ATE1: variants seen among roughly 807,000 people sequenced by gnomAD.
ATE1 encodes the protein arginyl-tRNA--protein transferase 1.
Under a neutral mutation model 70.5 loss-of-function variants are expected in ATE1, and 36 were observed. The observed-to-expected ratio is 0.51, with a 90% CI of 0.39 to 0.67. The LOEUF (loss-of-function observed/expected upper bound fraction) is 0.67. ATE1 is among the 30% of genes least tolerant of loss of function. The pLI is 0.00. For synonymous variants in ATE1, 232 were observed against 219.3 expected, an observed-to-expected ratio of 1.06 and a Z score of -0.51; for missense variants, 593 against 629.5, an observed-to-expected ratio of 0.94 and a Z score of 0.62.
chr10:121,841,069 A>G lies in ATE1; in HGVS notation c.1157+13T>C. On this transcript the variant is annotated intron_variant, in intron 9 of 11. Transcript: ENST00000224652. ...ATATAACCCACTACAATAACGGCAA[A>G]AAGCAATCTTACCGTAGTGCAGAGT... 6.6e-7 allele frequency: 1 copy of G among 1,519,172 alleles called. No individual in the cohort carries two copies. Among genetic ancestry groups the G allele is most frequent in the Non-Finnish European group, 8.9e-7 (1 of 1,124,426 alleles). 94.1% of individuals were successfully genotyped at this position (1,519,172 alleles called of 1,614,324 possible).
At chr10:121,916,689 G>A (rs1407925940) in intron 3 of ATE1, among the ~76,000 whole-genome samples, 1 of 152,058 alleles carries the variant, frequency 6.6e-6, no homozygotes, top group Non-Finnish European at 1.5e-5. Flanking sequence ...CAAAAAATTA[G>A]CCAGGTATGG....
At chr10:121,758,548 T>A (rs181383957) in intron 11 of ATE1, among the ~76,000 whole-genome samples, 48 of 152,364 alleles carry the variant, frequency 3.2e-4, no homozygotes, top group East Asian at 2.7e-3. Context: ...TACAATAGTA[T>A]TGGCTTTCTG....
At chr10:121,920,329 T>C (rs962941785) in intron 3 of ATE1, among the ~76,000 whole-genome samples, 4 of 151,566 alleles carry the variant, frequency 2.6e-5, no homozygotes, top group African/African-American at 9.7e-5. Flanking sequence ...GGAAACATGG[T>C]GAGATCTGCC....
chr10:121,790,998 ATGTGTATATATGTATACATG>A (rs1946415791), intron 10 of ATE1, among the ~76,000 whole-genome samples: 1 of 151,178 alleles, frequency 6.6e-6, no homozygotes, highest in Non-Finnish European at 1.5e-5. Flanking sequence ...ACATACATAT[ATGTGTATATATGTATACATG>A]TGTGTATATA....
At chr10:121,862,943 G>A (rs1414192141) in intron 8 of ATE1, among the ~76,000 whole-genome samples, 2 of 135,902 alleles carry the variant, frequency 1.5e-5, no homozygotes, top group Non-Finnish European at 3.4e-5. Flanking sequence ...GCAATTAAAG[G>A]GGGGTATACA....
intron 7 of ATE1, among the ~76,000 whole-genome samples, chr10:121,890,330 T>C (rs557711686): frequency 2.7e-4 from 41 of 152,330 alleles, no homozygotes; most frequent in African/African-American, 9.4e-4. Context: ...GTTATAATTA[T>C]ACCACGTCTT....
intron 3 of ATE1, among the ~76,000 whole-genome samples, chr10:121,915,383 A>C (rs1564961960): frequency 6.6e-6 from 1 of 152,156 alleles, no homozygotes; most frequent in Non-Finnish European, 1.5e-5. Context: ...AAAGTCAGAG[A>C]CTAGTTTAAA....
Position 121,909,228 on chromosome 10 carries a change from A to G in ATE1, c.583+1678T>C, listed in dbSNP as rs151155597. On this transcript the variant is annotated intron_variant, in intron 5 of 11. Coordinates refer to ENST00000224652, the MANE Select transcript of ATE1 (RefSeq NM_001001976.3). ...GGTCTCAAACTCCTGGGCTCAAGCA[A>G]TCCACCTGCCTCGGTCTCCCACAGT... Among the ~76,000 whole-genome samples, 311 of 152,246 alleles carry G rather than the reference A, an allele frequency of 2.0e-3. 1 individual carries two copies. Among genetic ancestry groups the G allele is most frequent in the African/African-American group, 7.2e-3 (301 of 41,548 alleles).
At chr10:121,749,076 T>A (rs1191458873) in intron 11 of ATE1, among the ~76,000 whole-genome samples, 3 of 152,192 alleles carry the variant, frequency 2.0e-5, no homozygotes, top group Admixed American at 2.0e-4. Context: ...ACTTTGACTA[T>A]AAAAATGGCA....
At chr10:121,809,428 C>T (rs1458211973) in intron 10 of ATE1, among the ~76,000 whole-genome samples, 1 of 152,086 alleles carries the variant, frequency 6.6e-6, no homozygotes, top group Non-Finnish European at 1.5e-5. Context: ...AAGCACTTTA[C>T]ATATACTACC....
intron 5 of ATE1, among the ~76,000 whole-genome samples, chr10:121,906,660 G>A (rs913117364): frequency 2.0e-5 from 3 of 151,834 alleles, no homozygotes; most frequent in South Asian, 2.1e-4. Context: ...GTGCAGTGGC[G>A]TGATCTCAGC....
intron 4 of ATE1, among the ~76,000 whole-genome samples, chr10:121,912,859 C>T (rs1165394194): frequency 7.9e-5 from 12 of 151,384 alleles, no homozygotes; most frequent in Non-Finnish European, 1.5e-4. Context: ...CCTCAGCCTC[C>T]GAGTAGCTGG....
chr10:121,781,321 T>G (rs758293988), intron 11 of ATE1, among the ~76,000 whole-genome samples: 1 of 152,326 alleles, frequency 6.6e-6, no homozygotes, highest in South Asian at 2.1e-4. Context: ...CCTACCTTTC[T>G]GATGCAGCAG....
At chr10:121,870,270 T>C (rs1949804373) in intron 7 of ATE1, among the ~76,000 whole-genome samples, 1 of 152,236 alleles carries the variant, frequency 6.6e-6, no homozygotes, top group South Asian at 2.1e-4. Flanking sequence ...CTTAAAAATC[T>C]ATATAAAAGC....
chr10:121,856,711 T>C (rs369432298), intron 8 of ATE1, among the ~76,000 whole-genome samples: 9 of 152,218 alleles, frequency 5.9e-5, no homozygotes, highest in African/African-American at 2.2e-4. Flanking sequence ...TATATATACG[T>C]TGATTTAAAA....
At chr10:121,811,562 T>C (rs966123100) in intron 10 of ATE1, among the ~76,000 whole-genome samples, 3 of 152,192 alleles carry the variant, frequency 2.0e-5, no homozygotes, top group Non-Finnish European at 2.9e-5. Flanking sequence ...CCTTGGGCTA[T>C]GTCTGGGAAT....
At position 121,899,849 on chromosome 10, in the gene ATE1, A is replaced by G. The variant is rs374263772; in HGVS notation, c.942+17T>C. 29 of 1,607,806 alleles carry G rather than the reference A, an allele frequency of 1.8e-5. No individual in the cohort carries two copies. In the African/African-American group the frequency reaches 3.6e-4, roughly 20 times the overall value. On this transcript the variant is annotated intron_variant, in intron 7 of 11. Coordinates refer to ENST00000224652, the MANE Select transcript of ATE1 (RefSeq NM_001001976.3). ...AAAGCTCTGTTTGCACAGGAAAATTACACTTGGCCTGCTGACCTGGCTTTC... is the reference window on the plus strand; with the variant it reads ...AAAGCTCTGTTTGCACAGGAAAATTGCACTTGGCCTGCTGACCTGGCTTTC...
intron 1 of ATE1, chr10:121,926,627 T>TCCG (rs1952102296): frequency 1.4e-6 from 1 of 721,238 alleles, no homozygotes; most frequent in Admixed American, 6.3e-5. Context: ...AATATTAATT[T>TCCG]TAGGCACGTT....
At chr10:121,847,043 C>T (rs1005058683) in intron 8 of ATE1, among the ~76,000 whole-genome samples, 4 of 152,106 alleles carry the variant, frequency 2.6e-5, no homozygotes, top group Non-Finnish European at 5.9e-5. Flanking sequence ...TCAGAAGGCT[C>T]AACTATGTAA....
Sources: gnomAD v4.1 joint callset for allele counts (sites outside exome capture counted in the v4.1 genomes callset) on GRCh38, gnomAD v4.1.1 for gene constraint, MANE v1.5 for transcripts, NCBI Gene and HGNC (gene_info 2026-07-23, HGNC 2026-07-21) for gene names.